Variants in RAB5C observed in about 807,000 individuals in gnomAD.
The protein encoded by RAB5C is RAB5C, member RAS oncogene family.
In RAB5C, 4 loss-of-function variants were observed where a neutral mutation model predicts 25.2. The observed-to-expected ratio is 0.16, with a 90% CI of 0.08 to 0.36. The LOEUF (loss-of-function observed/expected upper bound fraction) is 0.36, where lower values mean the gene tolerates loss of function less well. Among genes scored for constraint, RAB5C ranks in the 10% least tolerant of loss-of-function variants. The pLI is 1.00. For missense variants in RAB5C, 199 were observed against 283.8 expected (o/e 0.70, Z 2.15); for synonymous variants, 100 against 106.4 (o/e 0.94, Z 0.37).
chr17:42,126,771 T>C lies in RAB5C; in HGVS notation c.519A>G (p.Glu173=). Residue 173 remains glutamate, a synonymous_variant, in exon 5 of 6, where the codon GAA becomes GAG. Transcript: ENST00000346213. ...TSAKTAMNVN[E]IFMAIAKKLP... ...GCAACTGACCTATTGCCATGAAGAT[T>C]TCGTTCACGTTCATTGCAGTCTTTG... The C allele has an allele frequency of 6.2e-7, 1 of 1,612,212 alleles. No individual in the cohort carries two copies. The highest frequency in any genetic ancestry group is 8.5e-7 in the Non-Finnish European group (1 of 1,178,502).
At chr17:42,141,968 C>T (rs1038531276) in intron 1 of RAB5C, among the ~76,000 whole-genome samples, 6 of 152,102 alleles carry the variant, frequency 3.9e-5, no homozygotes, top group African/African-American at 1.2e-4. Flanking sequence ...TTCTTCAGCA[C>T]CTCTCATTTG....
At position 42,125,494 on chromosome 17, in the gene RAB5C, C is replaced by T; in HGVS notation, c.*289G>A. 2.9e-6 allele frequency: 1 copy of T among 350,810 alleles called. No homozygotes were observed. The highest frequency in any genetic ancestry group is 5.3e-6 in the Non-Finnish European group (1 of 188,856). The allele number at this position is 350,810 out of a possible 1,614,324, so 21.7% of individuals were successfully genotyped here. A position where few individuals can be genotyped will look rare whatever the true frequency, so the allele number is the denominator to read the frequency against. On this transcript the variant is annotated 3_prime_UTR_variant, in exon 6 of 6. Transcript: ENST00000346213. ...GGCAAGAGCATGTGGCTACTCCCAG[C>T]AAGGGAAAATGGGAGAGCAGTAGAA...
At chr17:42,139,158 T>G (rs2054566405) in intron 1 of RAB5C, among the ~76,000 whole-genome samples, 2 of 152,182 alleles carry the variant, frequency 1.3e-5, no homozygotes, top group African/African-American at 2.4e-5. Flanking sequence ...TGGGAGGACA[T>G]CTCCATGGAT....
intron 1 of RAB5C, among the ~76,000 whole-genome samples, chr17:42,138,350 A>G (rs539441986): frequency 6.6e-6 from 1 of 152,298 alleles, no homozygotes; most frequent in African/African-American, 2.4e-5. Context: ...GAAGCTTAAG[A>G]GCCCAGGGTG....
At chr17:42,126,658 A>AAAAAG in intron 5 of RAB5C, 97 bp downstream of exon 5, 1 of 497,246 alleles carries the variant, frequency 2.0e-6, no homozygotes, top group Admixed American at 3.1e-5. Flanking sequence ...AAAAAAAAAA[A>AAAAAG]GAGTGGTGAA....
At chr17:42,128,539 C>A in intron 3 of RAB5C, 110 bp downstream of exon 3, 2 of 455,552 alleles carry the variant, frequency 4.4e-6, no homozygotes, top group Non-Finnish European at 7.6e-6. Context: ...CTGCCCACCC[C>A]CCACCCAGGA....
chr17:42,144,268 C>G (rs983260073), intron 1 of RAB5C, among the ~76,000 whole-genome samples: 5 of 149,166 alleles, frequency 3.4e-5, no homozygotes, highest in Non-Finnish European at 7.4e-5. Context: ...ACCAACCTGG[C>G]CAACATGGTG....
chr17:42,134,440 G>A (rs2054516105), intron 1 of RAB5C, among the ~76,000 whole-genome samples: 1 of 152,138 alleles, frequency 6.6e-6, no homozygotes, highest in African/African-American at 2.4e-5. Flanking sequence ...TAGCCAACGT[G>A]GTGGTACACG....
chr17:42,136,554 G>C (rs2054538546), intron 1 of RAB5C: 1 of 152,184 alleles, frequency 6.6e-6, no homozygotes, highest in Admixed American at 6.5e-5. Flanking sequence ...ATCATTATCA[G>C]CTTCAGTTCC....
At chr17:42,129,839 C>A (rs1467205308) in intron 2 of RAB5C, among the ~76,000 whole-genome samples, 1 of 152,230 alleles carries the variant, frequency 6.6e-6, no homozygotes, top group African/African-American at 2.4e-5. Context: ...CCCTCACTCA[C>A]ATCCTAAATG....
intron 1 of RAB5C, among the ~76,000 whole-genome samples, chr17:42,136,072 C>T (rs141721909): frequency 3.3e-5 from 5 of 152,174 alleles, no homozygotes; most frequent in African/African-American, 1.2e-4. Flanking sequence ...AAACAAGAGT[C>T]CAGCAAAACA....
intron 2 of RAB5C, 123 bp from the exon 3 acceptor site, chr17:42,128,923 C>A: frequency 2.1e-6 from 2 of 973,508 alleles, no homozygotes; most frequent in Non-Finnish European, 2.7e-6. Flanking sequence ...AGAGAACCCT[C>A]AAGCCAGGAG....
At chr17:42,137,305 CA>C (rs987824553) in intron 1 of RAB5C, among the ~76,000 whole-genome samples, 3 of 105,262 alleles carry the variant, frequency 2.9e-5, no homozygotes, top group African/African-American at 7.3e-5. Flanking sequence ...GACACTGTCT[CA>C]AAAAAAAGAA....
At chr17:42,146,586 T>TA (rs1190782215) in intron 1 of RAB5C, among the ~76,000 whole-genome samples, 1 of 152,020 alleles carries the variant, frequency 6.6e-6, no homozygotes, top group Non-Finnish European at 1.5e-5. Flanking sequence ...CCGTCTCTAC[T>TA]AAAAATATAA....
intron 5 of RAB5C, 76 bp from the exon 6 acceptor site, chr17:42,125,974 G>T: frequency 9.0e-7 from 1 of 1,110,002 alleles, no homozygotes; most frequent in African/African-American, 1.5e-5. Flanking sequence ...GCAGATTCTG[G>T]CCTTTATACC....
intron 1 of RAB5C, chr17:42,154,581 T>A (rs1192806939): frequency 6.6e-6 from 1 of 152,224 alleles, no homozygotes; most frequent in Non-Finnish European, 1.5e-5. Context: ...ACAGGTTCCT[T>A]CACACCTAGC....
At chr17:42,128,145 T>C in intron 4 of RAB5C, 116 bp downstream of exon 4, 1 of 1,427,830 alleles carries the variant, frequency 7.0e-7, no homozygotes, top group Non-Finnish European at 9.4e-7. Context: ...GGACAGCAGA[T>C]GGAAGCTTCC....
chr17:42,143,359 G>A (rs1219825828), intron 1 of RAB5C, among the ~76,000 whole-genome samples: 2 of 152,196 alleles, frequency 1.3e-5, no homozygotes, highest in Non-Finnish European at 2.9e-5. Flanking sequence ...GCCTGGGGCC[G>A]GGAGTGGTGG....
chr17:42,127,827 GTT>G (rs34288959), intron 4 of RAB5C, among the ~76,000 whole-genome samples: 7 of 121,206 alleles, frequency 5.8e-5, no homozygotes, highest in East Asian at 2.4e-4. Context: ...ACACCTGGCT[GTT>G]TTTTTTTTTT....
Sources: allele counts gnomAD v4.1 joint callset (sites outside exome capture counted in the v4.1 genomes callset), GRCh38; gene constraint gnomAD v4.1.1; transcripts MANE v1.5; gene names NCBI Gene and HGNC (gene_info 2026-07-23, HGNC 2026-07-21).